Variants in SND1 observed in about 807,000 individuals in gnomAD.
The protein encoded by SND1 is staphylococcal nuclease and tudor domain containing 1.
In SND1, 38 loss-of-function variants were observed where a neutral mutation model predicts 121.7. The observed-to-expected ratio is 0.31, with a 90% CI of 0.24 to 0.41. The LOEUF (loss-of-function observed/expected upper bound fraction) is 0.41, where lower values mean the gene tolerates loss of function less well. Among genes scored for constraint, SND1 ranks in the 10% least tolerant of loss-of-function variants. The probability of loss-of-function intolerance (pLI) is 1.00; values close to 1 mark genes in which losing one functional copy is unlikely to be tolerated. For synonymous variants in SND1, 401 were observed against 447.4 expected (o/e 0.90, Z 1.31); for missense variants, 868 against 1,184.6 (o/e 0.73, Z 3.92).
intron 21 of SND1, 99 bp downstream of exon 21, chr7:128,087,150 A>G: frequency 1.1e-6 from 1 of 875,862 alleles, no homozygotes; most frequent in Non-Finnish European, 1.8e-6. Context: ...GGAAACTATG[A>G]TGGTCTCTTA....
chr7:127,907,001 A>G (rs116251045), intron 14 of SND1, among the ~76,000 whole-genome samples: 1 of 152,132 alleles, frequency 6.6e-6, no homozygotes, highest in Non-Finnish European at 1.5e-5. Context: ...CTGTCTCAGT[A>G]TTGGAGGATT....
intron 14 of SND1, among the ~76,000 whole-genome samples, chr7:127,923,815 C>CATACACA (rs1800769250): frequency 6.6e-6 from 1 of 152,142 alleles, no homozygotes; most frequent in Non-Finnish European, 1.5e-5. Context: ...CACCATACAC[C>CATACACA]ATACACAATA....
intron 10 of SND1, among the ~76,000 whole-genome samples, chr7:127,743,739 G>A (rs974173290): frequency 7.2e-5 from 11 of 152,280 alleles, no homozygotes; most frequent in South Asian, 6.2e-4. Context: ...GTATGTATGC[G>A]TGTGTTATAA....
rs112429677 is a variant in SND1, at chr7:128,081,148, C to G, written c.1969-212C>G. ...AGTAGCTGGGATTACAGGCGCCCAC[C>G]ACCGCACCCAGCTAATTTTTTGTAT... On this transcript the variant is annotated intron_variant, in intron 17 of 23. Coordinates refer to ENST00000354725, the MANE Select transcript of SND1 (RefSeq NM_014390.4). Among the ~76,000 whole-genome samples the G allele has an allele frequency of 3.9e-3, 597 of 152,280 alleles. 3 individuals carry two copies. Among genetic ancestry groups the G allele is most frequent in the African/African-American group, 0.014 (571 of 41,558 alleles).
chr7:127,930,407 CCA>C (rs1045195285), intron 15 of SND1, among the ~76,000 whole-genome samples: 12 of 152,114 alleles, frequency 7.9e-5, no homozygotes, highest in African/African-American at 2.9e-4. Flanking sequence ...CCCTCAGGCC[CCA>C]ACTAAATGGA....
At chr7:127,762,185 C>A (rs758849382) in intron 10 of SND1, among the ~76,000 whole-genome samples, 21 of 152,140 alleles carry the variant, frequency 1.4e-4, no homozygotes, top group Non-Finnish European at 2.2e-4. Flanking sequence ...ATGGAAATGT[C>A]CTCAGGGCTC....
chr7:127,671,570 G>A (rs1795518811), intron 1 of SND1, among the ~76,000 whole-genome samples: 2 of 152,170 alleles, frequency 1.3e-5, no homozygotes, highest in Admixed American at 1.3e-4. Context: ...TTCACAGGCT[G>A]AGTCATCATA....
intron 11 of SND1, among the ~76,000 whole-genome samples, chr7:127,825,962 C>T (rs1403745898): frequency 2.0e-5 from 3 of 151,956 alleles, no homozygotes; most frequent in East Asian, 1.9e-4. Context: ...GAAGCCGAGG[C>T]GGTGGATCAC....
chr7:128,051,790 CT>C (rs1174889177), intron 16 of SND1, among the ~76,000 whole-genome samples: 5 of 152,222 alleles, frequency 3.3e-5, no homozygotes, highest in African/African-American at 1.2e-4. Flanking sequence ...CACTTGTGTA[CT>C]TACTGTTGCT....
chr7:127,722,032 T>C (rs1052220943), intron 10 of SND1, among the ~76,000 whole-genome samples: 4 of 152,172 alleles, frequency 2.6e-5, no homozygotes, highest in African/African-American at 2.4e-5. Context: ...TGATTTTTTT[T>C]TGTAGTCATG....
intron 15 of SND1, among the ~76,000 whole-genome samples, chr7:127,953,204 GTGTGTGTGTGTGTGTGTA>G (rs1194102892): frequency 0.032 from 2,394 of 73,772 alleles, 116 homozygotes; most frequent in Non-Finnish European, 0.043. Context: ...GTGTGTGTGT[GTGTGTGTGTGTGTGTGTA>G]TGTATGAAAA....
At chr7:127,964,378 A>G (rs1040686225) in intron 15 of SND1, among the ~76,000 whole-genome samples, 48 of 145,534 alleles carry the variant, frequency 3.3e-4, no homozygotes, top group Non-Finnish European at 5.7e-4. Context: ...TAGGGTTTTT[A>G]TGGTTTTAGG....
chr7:127,792,755 G>C (rs1256073210), intron 10 of SND1, among the ~76,000 whole-genome samples: 6 of 152,200 alleles, frequency 3.9e-5, no homozygotes, highest in South Asian at 2.1e-4. Context: ...TGGTTCTGAT[G>C]AATCTGAGGA....
intron 10 of SND1, among the ~76,000 whole-genome samples, chr7:127,789,704 C>T (rs1320149855): frequency 2.0e-5 from 3 of 152,226 alleles, no homozygotes; most frequent in Non-Finnish European, 4.4e-5. Flanking sequence ...ATAGTTCTTT[C>T]AGGCCTGATA....
At chr7:127,879,860 A>G (rs1010209768) in intron 12 of SND1, among the ~76,000 whole-genome samples, 2 of 152,152 alleles carry the variant, frequency 1.3e-5, no homozygotes, top group Non-Finnish European at 2.9e-5. Context: ...TGAGTTTATA[A>G]GATTTTATCA....
intron 16 of SND1, among the ~76,000 whole-genome samples, chr7:128,016,145 C>CTT (rs71312836): frequency 2.1e-5 from 3 of 144,244 alleles, no homozygotes; most frequent in Non-Finnish European, 3.0e-5. Context: ...GAACAACTTC[C>CTT]TTTTTTTTTT....
chr7:127,821,362 T>A (rs1798543871), intron 11 of SND1, among the ~76,000 whole-genome samples: 1 of 152,208 alleles, frequency 6.6e-6, no homozygotes, highest in African/African-American at 2.4e-5. Flanking sequence ...AACACTGACC[T>A]GCTTCAGAGT....
chr7:128,037,058 C>A (rs769171075), intron 16 of SND1, among the ~76,000 whole-genome samples: 1 of 152,210 alleles, frequency 6.6e-6, no homozygotes, highest in Non-Finnish European at 1.5e-5. Flanking sequence ...TTCTCAGGAT[C>A]ACAGAACTGA....
At chr7:128,013,010 C>T (rs983782301) in intron 16 of SND1, among the ~76,000 whole-genome samples, 4 of 152,152 alleles carry the variant, frequency 2.6e-5, no homozygotes, top group Admixed American at 6.5e-5. Context: ...GCACAAGTCA[C>T]CCCCTGCACC....
Sources: allele counts gnomAD v4.1 joint callset (sites outside exome capture counted in the v4.1 genomes callset), GRCh38; gene constraint gnomAD v4.1.1; transcripts MANE v1.5; gene names NCBI Gene and HGNC (gene_info 2026-07-23, HGNC 2026-07-21).